The following GTF2F2 variants were observed in gnomAD, a reference collection of about 807,000 sequenced individuals.
The protein encoded by GTF2F2 is general transcription factor IIF subunit 2.
GTF2F2 carries 23 observed loss-of-function variants against 42.2 expected under a neutral mutation model. That is an observed-to-expected ratio of 0.55 (90% CI 0.39 to 0.77). The LOEUF (loss-of-function observed/expected upper bound fraction) is 0.77, where lower values mean the gene tolerates loss of function less well. Among genes scored for constraint, GTF2F2 ranks in the 30% least tolerant of loss-of-function variants. The probability of loss-of-function intolerance (pLI) is 0.00; values close to 1 mark genes in which losing one functional copy is unlikely to be tolerated. For missense variants in GTF2F2, 261 were observed against 287.2 expected (o/e 0.91, Z 0.66); for synonymous variants, 105 against 100.8 (o/e 1.04, Z -0.25).
chr13:45,127,959 T>C (rs1869123565), intron 1 of GTF2F2, among the ~76,000 whole-genome samples: 2 of 139,076 alleles, frequency 1.4e-5, no homozygotes, highest in African/African-American at 2.7e-5. Context: ...TTTTTTTTTT[T>C]TTTTTTTTTT....
intron 4 of GTF2F2, among the ~76,000 whole-genome samples, chr13:45,160,110 C>G (rs1870962860): frequency 6.6e-6 from 1 of 152,088 alleles, no homozygotes. Context: ...TCTCAGGGCT[C>G]TTTTATACAT....
At chr13:45,246,291 G>A (rs976417066) in intron 5 of GTF2F2, among the ~76,000 whole-genome samples, 68 of 152,118 alleles carry the variant, frequency 4.5e-4, no homozygotes, top group African/African-American at 1.2e-3. Context: ...GATTACAGGC[G>A]TGAGCCACCG....
At chr13:45,239,581 GT>G (rs1875176916) in intron 5 of GTF2F2, among the ~76,000 whole-genome samples, 1 of 152,218 alleles carries the variant, frequency 6.6e-6, no homozygotes, top group African/African-American at 2.4e-5. Flanking sequence ...GTGGGTGCTT[GT>G]TGTTTCTAAC....
At chr13:45,190,741 G>T (rs771925813) in intron 4 of GTF2F2, among the ~76,000 whole-genome samples, 38 of 151,568 alleles carry the variant, frequency 2.5e-4, no homozygotes, top group Non-Finnish European at 4.3e-4. Flanking sequence ...TTTTGTGGGG[G>T]TTTTTTTGTT....
intron 1 of GTF2F2, among the ~76,000 whole-genome samples, chr13:45,121,123 A>G (rs1868609418): frequency 6.6e-6 from 1 of 152,224 alleles, no homozygotes; most frequent in Non-Finnish European, 1.5e-5. Context: ...TTTCTCGGCC[A>G]GAAAGTAGGA....
At chr13:45,212,021 C>T (rs1873670183) in intron 5 of GTF2F2, among the ~76,000 whole-genome samples, 2 of 152,118 alleles carry the variant, frequency 1.3e-5, no homozygotes, top group African/African-American at 4.8e-5. Context: ...CACAGTTACC[C>T]TACTACCTAA....
intron 4 of GTF2F2, among the ~76,000 whole-genome samples, chr13:45,194,919 A>G (rs571765132): frequency 1.1e-4 from 17 of 152,350 alleles, no homozygotes; most frequent in African/African-American, 4.1e-4. Context: ...CTTCATCCAA[A>G]TGTGAATGTT....
intron 6 of GTF2F2, among the ~76,000 whole-genome samples, chr13:45,265,661 TG>T (rs1469780563): frequency 6.6e-6 from 1 of 152,320 alleles, no homozygotes; most frequent in Admixed American, 6.5e-5. Context: ...ACCACTAATT[TG>T]ACAGTCTCTC....
intron 4 of GTF2F2, among the ~76,000 whole-genome samples, chr13:45,157,527 A>G (rs2138127485): frequency 6.6e-6 from 1 of 152,076 alleles, no homozygotes; most frequent in African/African-American, 2.4e-5. Flanking sequence ...CAGGGGAGAC[A>G]TGACAGAAGC....
intron 7 of GTF2F2, among the ~76,000 whole-genome samples, chr13:45,276,460 G>A (rs1012121102): frequency 4.7e-5 from 7 of 149,874 alleles, no homozygotes; most frequent in Non-Finnish European, 8.9e-5. Flanking sequence ...TTTTGAGATG[G>A]AGTCTCGCTC....
At chr13:45,142,350 TAG>T (rs1464178641) in intron 2 of GTF2F2, among the ~76,000 whole-genome samples, 1 of 152,140 alleles carries the variant, frequency 6.6e-6, no homozygotes, top group African/African-American at 2.4e-5. Flanking sequence ...TTATTTTTAG[TAG>T]AGACAGGGTT....
chr13:45,199,577 A>T (rs2138180767), intron 4 of GTF2F2, among the ~76,000 whole-genome samples: 1 of 152,352 alleles, frequency 6.6e-6, no homozygotes, highest in African/African-American at 2.4e-5. Flanking sequence ...TATTGTAACC[A>T]GATGAGCATA....
intron 6 of GTF2F2, among the ~76,000 whole-genome samples, chr13:45,262,213 A>C (rs1876371117): frequency 6.6e-6 from 1 of 152,124 alleles, no homozygotes; most frequent in South Asian, 2.1e-4. Context: ...CTCTTCAAAA[A>C]AATTTTAAAA....
chr13:45,234,944 C>A lies in GTF2F2; in HGVS notation c.387-17927C>A, dbSNP rs1039300801. 1.6e-4 allele frequency among the ~76,000 whole-genome samples: 23 copies of A among 146,634 alleles called. No individual in the cohort carries two copies. In the South Asian group the frequency reaches 2.4e-3, roughly 15 times the overall value. On this transcript the variant is annotated intron_variant, in intron 5 of 7. Transcript: ENST00000340473. ...CCTGTAATCCCAGCTATTCGGGAGG[C>A]CGAGGTGGGAGAATCGCCTGAACCC...
At chr13:45,195,434 T>C (rs912719874) in intron 4 of GTF2F2, among the ~76,000 whole-genome samples, 5 of 152,194 alleles carry the variant, frequency 3.3e-5, no homozygotes, top group African/African-American at 4.8e-5. Flanking sequence ...ACTGTGACTG[T>C]GTATGTGCAT....
intron 1 of GTF2F2, chr13:45,123,234 A>G (rs935204347): frequency 5.9e-5 from 9 of 152,236 alleles, no homozygotes; most frequent in Admixed American, 4.6e-4. Context: ...ACGCTTGACC[A>G]AAGAGGATGA....
At chr13:45,198,093 G>A (rs776939704) in intron 4 of GTF2F2, among the ~76,000 whole-genome samples, 1 of 152,210 alleles carries the variant, frequency 6.6e-6, no homozygotes, top group African/African-American at 2.4e-5. Context: ...CCAACTTTGA[G>A]AATTTAAACT....
chr13:45,268,445 A>G (rs1354352675), intron 7 of GTF2F2, among the ~76,000 whole-genome samples: 1 of 152,100 alleles, frequency 6.6e-6, no homozygotes, highest in African/African-American at 2.4e-5. Context: ...TTATACATCA[A>G]CCCTTGCCTT....
intron 4 of GTF2F2, chr13:45,192,804 G>C (rs1306868689): frequency 6.6e-6 from 1 of 152,130 alleles, no homozygotes; most frequent in Non-Finnish European, 1.5e-5. Flanking sequence ...GTTTAGTGAT[G>C]TTCATTTAAT....
Sources: allele counts gnomAD v4.1 joint callset (sites outside exome capture counted in the v4.1 genomes callset), GRCh38; gene constraint gnomAD v4.1.1; transcripts MANE v1.5; gene names NCBI Gene and HGNC (gene_info 2026-07-23, HGNC 2026-07-21).